Variants in MSTO1 observed in about 807,000 individuals in gnomAD.
MSTO1 encodes the protein protein misato homolog 1.
MSTO1 carries 24 observed loss-of-function variants against 55.7 expected under a neutral mutation model. That is an observed-to-expected ratio of 0.43 (90% CI 0.31 to 0.61). The LOEUF is 0.61. MSTO1 is among the 20% of genes least tolerant of loss of function. The probability of loss-of-function intolerance (pLI) is 0.09; values close to 1 mark genes in which losing one functional copy is unlikely to be tolerated. For missense variants in MSTO1, 363 were observed against 625.7 expected (o/e 0.58, Z 4.48); for synonymous variants, 162 against 252.8 (o/e 0.64, Z 3.41).
the MSTO1 span, chr1:155,598,714 C>T: frequency 2.0e-6 from 1 of 504,354 alleles, no homozygotes; most frequent in East Asian, 4.0e-5. Context: ...AGAGCGAGAC[C>T]CAGTCTCAAA....
the MSTO1 span, among the ~76,000 whole-genome samples, chr1:155,576,396 A>G: frequency 2.0e-5 from 3 of 151,512 alleles, no homozygotes; most frequent in Non-Finnish European, 4.4e-5. Flanking sequence ...ACGCGATCTC[A>G]GCTCACTGCA....
At chr1:155,567,753 T>C in the MSTO1 span, among the ~76,000 whole-genome samples, 3 of 148,232 alleles carry the variant, frequency 2.0e-5, no homozygotes, top group Non-Finnish European at 4.5e-5. Flanking sequence ...TTAAAAATAT[T>C]GGCTGGGCGT....
the MSTO1 span, among the ~76,000 whole-genome samples, chr1:155,576,756 G>C: frequency 6.7e-6 from 1 of 150,266 alleles, no homozygotes; most frequent in East Asian, 2.1e-4. Context: ...GCACACGCCT[G>C]TAATCCCAGC....
the MSTO1 span, chr1:155,602,214 C>T: frequency 3.2e-6 from 2 of 629,774 alleles, no homozygotes; most frequent in South Asian, 2.9e-5. Flanking sequence ...CTTTGTGGCT[C>T]ACACCTGTAA....
At chr1:155,565,428 T>C in the MSTO1 span, among the ~76,000 whole-genome samples, 2 of 152,194 alleles carry the variant, frequency 1.3e-5, no homozygotes, top group Non-Finnish European at 2.9e-5. Context: ...TTAATCCTTA[T>C]AATAAACAAC....
chr1:155,568,289 A>T, the MSTO1 span, among the ~76,000 whole-genome samples: 8 of 151,886 alleles, frequency 5.3e-5, no homozygotes, highest in African/African-American at 1.7e-4. Context: ...CATCTTGGCC[A>T]GGCTGGTCTT....
At chr1:155,602,434 C>A in the MSTO1 span, among the ~76,000 whole-genome samples, 1 of 152,178 alleles carries the variant, frequency 6.6e-6, no homozygotes, top group East Asian at 1.9e-4. Flanking sequence ...GGAGATCTTG[C>A]CATTGCACTC....
At chr1:155,603,416 G>C in the MSTO1 span, among the ~76,000 whole-genome samples, 4 of 151,804 alleles carry the variant, frequency 2.6e-5, no homozygotes, top group Non-Finnish European at 4.4e-5. Context: ...GAAAATAAAA[G>C]AAAACAAAAA....
At position 155,612,986 on chromosome 1, in the gene MSTO1, T is replaced by G; in HGVS notation, c.1098+11T>G. 6.2e-7 allele frequency: 1 copy of G among 1,613,968 alleles called. No homozygotes were observed. ...TTCTGTGGGAAAAAGGTATGAAGCT[T>G]TGTAAGGGGTTGGGTCAGTGCTGAG... On this transcript the variant is annotated intron_variant, in intron 10 of 13. Transcript: ENST00000245564.
the MSTO1 span, among the ~76,000 whole-genome samples, chr1:155,574,548 C>A: frequency 6.6e-6 from 1 of 152,096 alleles, no homozygotes; most frequent in Admixed American, 6.6e-5. Flanking sequence ...TGCAACTCAT[C>A]TGTAAGTTTA....
the MSTO1 span, among the ~76,000 whole-genome samples, chr1:155,581,798 ATT>A: frequency 6.9e-6 from 1 of 144,256 alleles, no homozygotes. Context: ...TTTTACCATA[ATT>A]TTTTTTTTTT....
the MSTO1 span, chr1:155,591,078 C>G: frequency 6.2e-7 from 1 of 1,613,698 alleles, no homozygotes; most frequent in East Asian, 2.2e-5. Flanking sequence ...CCTTGCACTG[C>G]ATCTGGCTAG....
At chr1:155,566,378 A>T in the MSTO1 span, 1 of 152,240 alleles carries the variant, frequency 6.6e-6, no homozygotes, top group Non-Finnish European at 1.5e-5. Context: ...ATGCCTATAA[A>T]TCCCAACACT....
At chr1:155,605,000 C>T in the MSTO1 span, among the ~76,000 whole-genome samples, 1 of 152,198 alleles carries the variant, frequency 6.6e-6, no homozygotes, top group African/African-American at 2.4e-5. Flanking sequence ...GTGGCTCACG[C>T]CTGTAATCCC....
chr1:155,601,325 C>T, the MSTO1 span, among the ~76,000 whole-genome samples: 1 of 150,090 alleles, frequency 6.7e-6, no homozygotes, highest in Non-Finnish European at 1.5e-5. Context: ...TTAGTAGAGA[C>T]GGGGTTTCAC....
At chr1:155,570,373 A>T in the MSTO1 span, among the ~76,000 whole-genome samples, 66 of 152,330 alleles carry the variant, frequency 4.3e-4, no homozygotes, top group Middle Eastern at 0.024. Flanking sequence ...GATATGAATC[A>T]ACATAACCAC....
chr1:155,592,131 C>A, the MSTO1 span, among the ~76,000 whole-genome samples: 1 of 152,058 alleles, frequency 6.6e-6, no homozygotes, highest in African/African-American at 2.4e-5. Context: ...AAGTAACAAG[C>A]CTTGTATTCT....
At chr1:155,577,485 A>C in the MSTO1 span, among the ~76,000 whole-genome samples, 24 of 152,184 alleles carry the variant, frequency 1.6e-4, 1 homozygote, top group South Asian at 4.6e-3. Context: ...GTCCATTTTC[A>C]TTCTTTTGCA....
upstream of MSTO1, among the ~76,000 whole-genome samples, chr1:155,609,241 A>ATTTTTTTT (rs1481008523): frequency 6.2e-5 from 3 of 48,350 alleles, no homozygotes; most frequent in African/African-American, 1.5e-4. Context: ...ATATATATAT[A>ATTTTTTTT]TATTTTTTTT....
Sources: gnomAD v4.1 joint callset for allele counts (sites outside exome capture counted in the v4.1 genomes callset) on GRCh38, gnomAD v4.1.1 for gene constraint, MANE v1.5 for transcripts, NCBI Gene and HGNC (gene_info 2026-07-23, HGNC 2026-07-21) for gene names.